Variants in NPAS3 observed in about 807,000 individuals in gnomAD.
NPAS3 encodes neuronal PAS domain protein 3.
Under a neutral mutation model 73.1 loss-of-function variants are expected in NPAS3, and 14 were observed. The observed-to-expected ratio is 0.19, with a 90% CI of 0.13 to 0.30. NPAS3 has a LOEUF of 0.30. Among genes scored for constraint, NPAS3 ranks in the 10% least tolerant of loss-of-function variants. The pLI is 1.00. For missense variants in NPAS3, 1,096 were observed against 1,250.0 expected, an observed-to-expected ratio of 0.88 and a Z score of 1.86; for synonymous variants, 620 against 541.5, an observed-to-expected ratio of 1.14 and a Z score of -2.01.
At chr14:33,576,140 T>G (rs2056424510) in intron 5 of NPAS3, among the ~76,000 whole-genome samples, 1 of 152,194 alleles carries the variant, frequency 6.6e-6, no homozygotes, top group Admixed American at 6.5e-5. Flanking sequence ...CATGTCTGTT[T>G]CCAGCTGAGG....
chr14:33,602,057 C>T (rs1433551846), intron 5 of NPAS3, among the ~76,000 whole-genome samples: 1 of 152,148 alleles, frequency 6.6e-6, no homozygotes, highest in Non-Finnish European at 1.5e-5. Flanking sequence ...CTGGAGGACC[C>T]CCTGAGTTGA....
intron 3 of NPAS3, among the ~76,000 whole-genome samples, chr14:33,317,990 G>A (rs1443740609): frequency 2.0e-5 from 3 of 151,990 alleles, no homozygotes; most frequent in African/African-American, 7.3e-5. Flanking sequence ...TCCACTTCTG[G>A]GAATGTAGCC....
chr14:33,208,105 G>GTT lies in NPAS3; in HGVS notation c.141-7068_141-7067dup, dbSNP rs5807707. Among the ~76,000 whole-genome samples, 1,118 of 150,082 alleles carry GTT rather than the reference G, an allele frequency of 7.4e-3. 6 individuals carry two copies. The highest frequency in any genetic ancestry group is 0.011 in the African/African-American group (442 of 40,984). On this transcript the variant is annotated intron_variant, in intron 2 of 11. Coordinates refer to ENST00000356141, the Ensembl canonical transcript of NPAS3. ...AAAGAAATTACTTGATAAAACTGCAGTTTTTTTTTTCCGTTATTATGGAAC... is the reference window on the plus strand; with the variant it reads ...AAAGAAATTACTTGATAAAACTGCAGTTTTTTTTTTTTCCGTTATTATGGAAC...
intron 3 of NPAS3, among the ~76,000 whole-genome samples, chr14:33,322,355 T>C (rs557157926): frequency 3.3e-5 from 5 of 152,318 alleles, no homozygotes; most frequent in African/African-American, 9.6e-5. Flanking sequence ...TTTAATTGTA[T>C]TTTTTAATCT....
intron 2 of NPAS3, among the ~76,000 whole-genome samples, chr14:33,095,919 G>A (rs981928882): frequency 1.3e-5 from 2 of 151,408 alleles, no homozygotes; most frequent in Non-Finnish European, 2.9e-5. Context: ...TGATTCGCCC[G>A]ATTCGCCCGC....
At chr14:33,750,222 T>C (rs1206040381) in intron 7 of NPAS3, among the ~76,000 whole-genome samples, 4 of 152,214 alleles carry the variant, frequency 2.6e-5, no homozygotes, top group Admixed American at 2.6e-4. Context: ...TTCCTTTTTT[T>C]TTTTTTCTTA....
At position 33,622,169 on chromosome 14, in the gene NPAS3, GTCGGT is replaced by G. The variant is rs2058093640; in HGVS notation, c.559-54039_559-54035del. On this transcript the variant is annotated intron_variant, in intron 5 of 11. Transcript: ENST00000356141. ...CAGTCTCAGAACTCTCTGATTACCAGTCGGTTCTAAGAGCAAAGAAATAAACATTA... is the reference window on the plus strand; with the variant it reads ...CAGTCTCAGAACTCTCTGATTACCAGTCTAAGAGCAAAGAAATAAACATTA... Among the ~76,000 whole-genome samples, 3 of 152,204 alleles carry G rather than the reference GTCGGT, an allele frequency of 2.0e-5. No individual in the cohort carries two copies. In the South Asian group the frequency reaches 6.2e-4, roughly 32 times the overall value.
chr14:33,471,199 C>T (rs549387633), intron 4 of NPAS3, among the ~76,000 whole-genome samples: 11 of 152,294 alleles, frequency 7.2e-5, no homozygotes, highest in South Asian at 2.1e-4. Context: ...GAAAGTCTGT[C>T]GTCTGGATAG....
At chr14:32,975,341 G>C in intron 1 of NPAS3, among the ~76,000 whole-genome samples, 1 of 40,718 alleles carries the variant, frequency 2.5e-5, no homozygotes, top group East Asian at 7.9e-4. Flanking sequence ...TCCCTTTTTA[G>C]ACTGAGTCTC....
chr14:33,396,205 C>T (rs919934956), intron 4 of NPAS3, among the ~76,000 whole-genome samples: 7 of 152,142 alleles, frequency 4.6e-5, no homozygotes, highest in African/African-American at 1.7e-4. Flanking sequence ...GGCTGAGTCT[C>T]AGCTCATTTG....
intron 2 of NPAS3, among the ~76,000 whole-genome samples, chr14:33,177,297 C>T (rs181077467): frequency 1.0e-3 from 155 of 151,894 alleles, no homozygotes; most frequent in African/African-American, 3.5e-3. Flanking sequence ...AGGGTTTCGC[C>T]ATGTTGGCCA....
chr14:33,463,882 G>T (rs2050385113), intron 4 of NPAS3, among the ~76,000 whole-genome samples: 1 of 152,208 alleles, frequency 6.6e-6, no homozygotes, highest in African/African-American at 2.4e-5. Context: ...TATGAAAACA[G>T]TTGCAGTGGG....
intron 7 of NPAS3, among the ~76,000 whole-genome samples, chr14:33,746,868 A>G (rs573257114): frequency 9.0e-4 from 137 of 151,664 alleles, no homozygotes; most frequent in African/African-American, 3.1e-3. Context: ...AGCATTAGGT[A>G]TATCTCCCAA....
At chr14:32,994,414 A>G (rs985229186) in intron 1 of NPAS3, among the ~76,000 whole-genome samples, 2 of 152,160 alleles carry the variant, frequency 1.3e-5, no homozygotes, top group Non-Finnish European at 2.9e-5. Flanking sequence ...ATAATATATC[A>G]AAATGAAAAT....
chr14:33,115,448 G>T (rs1224384925), intron 2 of NPAS3, among the ~76,000 whole-genome samples: 1 of 152,124 alleles, frequency 6.6e-6, no homozygotes, highest in African/African-American at 2.4e-5. Context: ...CACAAGGTGA[G>T]CATATAATGC....
intron 2 of NPAS3, among the ~76,000 whole-genome samples, chr14:33,085,252 A>C (rs2138753925): frequency 1.3e-5 from 2 of 152,378 alleles, no homozygotes; most frequent in Admixed American, 1.3e-4. Context: ...GAGTGCTGTC[A>C]GTCATTAATA....
chr14:33,295,463 T>A (rs955353903), intron 3 of NPAS3, among the ~76,000 whole-genome samples: 2 of 152,190 alleles, frequency 1.3e-5, no homozygotes, highest in Non-Finnish European at 2.9e-5. Flanking sequence ...TAGATACTAC[T>A]CTGTAGATTC....
At chr14:33,029,831 GATTA>G (rs2039929855) in intron 1 of NPAS3, among the ~76,000 whole-genome samples, 1 of 152,180 alleles carries the variant, frequency 6.6e-6, no homozygotes, top group Admixed American at 6.5e-5. Context: ...CATCCCAGAT[GATTA>G]ATTATGTTGA....
At chr14:33,009,717 C>T (rs928220573) in intron 1 of NPAS3, among the ~76,000 whole-genome samples, 3 of 152,090 alleles carry the variant, frequency 2.0e-5, no homozygotes, top group African/African-American at 7.2e-5. Flanking sequence ...ACTTTTTCTT[C>T]ATTATAAAGG....
Sources: allele counts gnomAD v4.1 joint callset (sites outside exome capture counted in the v4.1 genomes callset), GRCh38; gene constraint gnomAD v4.1.1; transcripts MANE v1.5; gene names NCBI Gene and HGNC (gene_info 2026-07-23, HGNC 2026-07-21).